The following GALNT15 variants were observed in gnomAD, a reference collection of about 807,000 sequenced individuals.
GALNT15 encodes UDP-GalNAc transferase T15.
Under a neutral mutation model 66.8 loss-of-function variants are expected in GALNT15, and 67 were observed. The observed-to-expected ratio is 1.00, with a 90% CI of 0.82 to 1.23. The LOEUF is 1.23. Among genes scored for constraint, GALNT15 ranks in the 50% most tolerant of loss-of-function variants. The pLI, the probability that GALNT15 is intolerant of heterozygous loss-of-function variation, is 0.00. For missense variants in GALNT15, 827 were observed against 804.3 expected (o/e 1.03, Z -0.34); for synonymous variants, 313 against 311.5 (o/e 1.00, Z -0.05).
intron 6 of GALNT15, among the ~76,000 whole-genome samples, chr3:16,214,069 G>A (rs1039580613): frequency 3.3e-5 from 5 of 152,210 alleles, no homozygotes; most frequent in African/African-American, 1.2e-4. Context: ...GGACCCCGTC[G>A]GTTAGTCACA....
rs745951114 is a variant in GALNT15 at position 16,175,226 on chromosome 3, C to T, written c.75C>T (p.Cys25=). 2.0e-5 allele frequency: 32 copies of T among 1,614,050 alleles called. No homozygotes were observed. The highest frequency in any genetic ancestry group is 1.1e-4 in the East Asian group (5 of 44,882). Reference sequence around the variant, plus strand: ...TCCTGCTGCTCCTGATGCTGGGATGCGTCCTGATGATGGTGGCGATGTTGC... The same window carrying T: ...TCCTGCTGCTCCTGATGCTGGGATGTGTCCTGATGATGGTGGCGATGTTGC... ...QFLLLLLMLG[C]VLMMVAMLHP... is the part of the protein sequence containing the mutation. The change falls in exon 1 of 10, where the codon TGC becomes TGT. Residue 25 remains cysteine, a synonymous_variant. Coordinates refer to ENST00000339732, the MANE Select transcript of GALNT15 (RefSeq NM_054110.5). The surrounding 1 kb of genome is among the most constrained non-coding windows in gnomAD (Gnocchi z 5.6).
chr3:16,229,477 T>C lies in GALNT15; in HGVS notation c.*1977T>C, dbSNP rs547299004. ...CACAGTTCTGTTGGACCAATCTAGA[T>C]AGATTCATTATCCCATCTAGAGAAG... On this transcript the variant is annotated 3_prime_UTR_variant, in exon 10 of 10. Transcript: ENST00000339732. The C allele has an allele frequency of 2.8e-5, 28 of 983,198 alleles. No homozygotes were observed. The highest frequency in any genetic ancestry group is 5.2e-4 in the Middle Eastern group (1 of 1,910). 60.9% of individuals were successfully genotyped at this position (983,198 alleles called of 1,614,324 possible). A position where few individuals can be genotyped will look rare whatever the true frequency, so the allele number is the denominator to read the frequency against.
At position 16,180,577 on chromosome 3, in the gene GALNT15, G is replaced by A. The variant is rs2063459596; in HGVS notation, c.539+4887G>A. ...CAATGCTCCAGAGTTCTGAGTTGGA[G>A]CCCAGTAATCAGAATTTTTTTAAGC... On this transcript the variant is annotated intron_variant, in intron 1 of 9. Coordinates refer to ENST00000339732, the MANE Select transcript of GALNT15 (RefSeq NM_054110.5). The surrounding 1 kb of genome is among the most constrained non-coding windows in gnomAD (Gnocchi z 5.0). Among the ~76,000 whole-genome samples, 1 of 152,166 alleles carries A rather than the reference G, an allele frequency of 6.6e-6. No individual in the cohort carries two copies. The highest frequency in any genetic ancestry group is 1.5e-5 in the Non-Finnish European group (1 of 68,042).
chr3:16,232,496 AT>A (rs2064094068), downstream of GALNT15, among the ~76,000 whole-genome samples: 1 of 86,752 alleles, frequency 1.2e-5, no homozygotes, highest in African/African-American at 5.2e-5. Context: ...ATATATATAT[AT>A]ATATATATAT....
intron 2 of GALNT15, among the ~76,000 whole-genome samples, chr3:16,196,425 T>G (rs2063638546): frequency 1.3e-5 from 2 of 152,076 alleles, no homozygotes; most frequent in South Asian, 4.2e-4. Context: ...GACAGCAGAC[T>G]GGAGCGGAGT....
In GALNT15 at chr3:16,184,640, A is replaced by G. The variant is rs1318857207; in HGVS notation, c.539+8950A>G. Among the ~76,000 whole-genome samples the G allele has an allele frequency of 6.6e-6, 1 of 152,210 alleles. No homozygotes were observed. Among genetic ancestry groups the G allele is most frequent in the African/African-American group, 2.4e-5 (1 of 41,464 alleles). On this transcript the variant is annotated intron_variant, in intron 1 of 9. Transcript: ENST00000339732. The surrounding 1 kb of genome is among the most constrained non-coding windows in gnomAD (Gnocchi z 5.0). ...CATAAACTCCATGCTATTAGGGGCT[A>G]TCTTAGTTTAGGTTTCCCCTAAAGA... is the stretch of plus-strand genomic sequence containing the variant.
Position 16,189,334 on chromosome 3 carries a change from G to C in GALNT15, c.540-6426G>C, listed in dbSNP as rs1022922837. 1.3e-5 allele frequency among the ~76,000 whole-genome samples: 2 copies of C among 152,232 alleles called. No homozygotes were observed. The highest frequency in any genetic ancestry group is 6.5e-5 in the Admixed American group (1 of 15,294). On this transcript the variant is annotated intron_variant, in intron 1 of 9. Coordinates refer to ENST00000339732, the MANE Select transcript of GALNT15 (RefSeq NM_054110.5). This position sits in a 1 kb window ranked among gnomAD's most constrained non-coding sequence, Gnocchi z 5.1. ...GACACCAGTGCATGGTGATCTCTGA[G>C]CATGGCACCCACTGGTGTTGGGCAA...
chr3:16,211,095 G>A lies in GALNT15; in HGVS notation c.1080-29G>A, dbSNP rs1275379052. On this transcript the variant is annotated intron_variant, in intron 4 of 9. Coordinates refer to ENST00000339732, the MANE Select transcript of GALNT15 (RefSeq NM_054110.5). The surrounding 1 kb of genome is among the most constrained non-coding windows in gnomAD (Gnocchi z 4.3). The stretch of plus-strand genomic sequence containing the variant: ...CCTGCTGTGCTCTGGGTTCTGAACT[G>A]CAGTGTCCTGCCTGTCTTCTGTGTC... 1.3e-6 allele frequency: 2 copies of A among 1,531,836 alleles called. No homozygotes were observed. Among genetic ancestry groups the A allele is most frequent in the East Asian group, 2.2e-5 (1 of 44,446 alleles). 94.9% of individuals were successfully genotyped at this position (1,531,836 alleles called of 1,614,324 possible). A position where few individuals can be genotyped will look rare whatever the true frequency, so the allele number is the denominator to read the frequency against.
In GALNT15 at chr3:16,222,726, G is replaced by T. The variant is rs34908493; in HGVS notation, c.1741G>T (p.Ala581Ser). 2.8e-3 allele frequency: 4,494 copies of T among 1,614,174 alleles called. 97 individuals are homozygous for T. The African/African-American group carries it at 0.052, about 19-fold the overall frequency. Reference sequence around the variant, plus strand: ...TCAGAACTGCACGGAGGAAGGCCTGGCCATCCACCAGCAGCACTGGGACTT... The same window carrying T: ...TCAGAACTGCACGGAGGAAGGCCTGTCCATCCACCAGCAGCACTGGGACTT... ...ILQNCTEEGL[A>S]IHQQHWDFQE... Residue 581 changes from alanine (A) to serine (S), a missense_variant, in exon 9 of 10, where the codon GCC (alanine) becomes TCC (serine). Ala to Ser is a moderately conservative substitution (Grantham distance 99). Transcript: ENST00000339732.
At chr3:16,217,157 T>C (rs2063888184) in intron 6 of GALNT15, among the ~76,000 whole-genome samples, 1 of 152,200 alleles carries the variant, frequency 6.6e-6, no homozygotes, top group Non-Finnish European at 1.5e-5. Context: ...CTGTTGTGAG[T>C]ATACTATAAA....
chr3:16,200,677 CAGG>C lies in GALNT15; in HGVS notation c.768_770del (p.Arg256del). On this transcript the variant is annotated inframe_deletion, in exon 3 of 10. Transcript: ENST00000339732. This position sits in a 1 kb window ranked among gnomAD's most constrained non-coding sequence, Gnocchi z 4.4. ...CCAGGCTGGAGGGGGTGAAGTTACT[CAGG>C]AGCAACAAGAGGCTGGGTGCCATCA... 6.2e-7 allele frequency: 1 copy of C among 1,606,984 alleles called. No homozygotes were observed.
rs2063544556 is a variant in GALNT15 at position 16,188,787 on chromosome 3, G to A, written c.540-6973G>A. ...GCCTGAAGCTCTGTAAGGTTGGGTGGGAGCGGGGGAGGAAGAGTGGATAGA... is the reference window on the plus strand; with the variant it reads ...GCCTGAAGCTCTGTAAGGTTGGGTGAGAGCGGGGGAGGAAGAGTGGATAGA... On this transcript the variant is annotated intron_variant, in intron 1 of 9. Transcript: ENST00000339732. The surrounding 1 kb of genome is among the most constrained non-coding windows in gnomAD (Gnocchi z 4.6). Among the ~76,000 whole-genome samples, 5 of 152,116 alleles carry A rather than the reference G, an allele frequency of 3.3e-5. 1 individual carries two copies. In the South Asian group the frequency reaches 1.0e-3, roughly 32 times the overall value.
chr3:16,227,437 G>T lies in GALNT15; in HGVS notation c.1857G>T (p.Pro619=). The part of the protein sequence containing the change: ...QENNKDLYLR[P]CDGKARQQWR... The stretch of plus-strand genomic sequence containing the variant: ...ACAATAAAGATTTGTACCTGCGTCC[G>T]TGTGATGGAAAAGCCCGCCAGCAGT... Residue 619 remains proline (P), a synonymous_variant, in exon 10 of 10, where the codon CCG becomes CCT. Transcript: ENST00000339732. This position sits in a 1 kb window ranked among gnomAD's most constrained non-coding sequence, Gnocchi z 4.5. The T allele has an allele frequency of 6.2e-7, 1 of 1,614,110 alleles. No homozygotes were observed.
At chr3:16,194,408 A>C (rs1475956277) in intron 1 of GALNT15, among the ~76,000 whole-genome samples, 1 of 152,154 alleles carries the variant, frequency 6.6e-6, no homozygotes. Context: ...GTAAATTTGC[A>C]TAAGTTCCTT....
chr3:16,205,336 T>G (rs1263555579), intron 3 of GALNT15, among the ~76,000 whole-genome samples: 2 of 152,218 alleles, frequency 1.3e-5, no homozygotes, highest in Non-Finnish European at 2.9e-5. Flanking sequence ...TTCTTTATTG[T>G]GGTAAAAGGT....
At position 16,225,508 on chromosome 3, in the gene GALNT15, A is replaced by C. The variant is rs1468878116; in HGVS notation, c.1774-1846A>C. ...TCAGGAGGCTGAGACCAGCCTGGCC[A>C]ATATGGTGAAACCCCGTTTCTACTA... On this transcript the variant is annotated intron_variant, in intron 9 of 9. Coordinates refer to ENST00000339732, the MANE Select transcript of GALNT15 (RefSeq NM_054110.5). The surrounding 1 kb of genome is among the most constrained non-coding windows in gnomAD (Gnocchi z 4.4). Among the ~76,000 whole-genome samples the C allele has an allele frequency of 2.3e-4, 35 of 152,176 alleles. No individual in the cohort carries two copies. The highest frequency in any genetic ancestry group is 8.8e-5 in the Non-Finnish European group (6 of 68,030).
chr3:16,202,520 C>G (rs1049606836), intron 3 of GALNT15, among the ~76,000 whole-genome samples: 9 of 152,242 alleles, frequency 5.9e-5, no homozygotes, highest in Non-Finnish European at 1.3e-4. Flanking sequence ...GTAATCCCAG[C>G]TACTCGGGAG....
Position 16,175,323 on chromosome 3 carries a change from C to A in GALNT15, c.172C>A (p.Arg58Ser). Residue 58 changes from arginine to serine, a missense_variant, in exon 1 of 10, where the codon CGC becomes AGC. Physicochemically the swap from Arg to Ser is moderately radical, Grantham distance 110. Coordinates refer to ENST00000339732, the MANE Select transcript of GALNT15 (RefSeq NM_054110.5). The surrounding 1 kb of genome is among the most constrained non-coding windows in gnomAD (Gnocchi z 5.6). ...ASKHSPEARY[R>S]LDFGESQDWV... is the part of the protein sequence containing the mutation. ...CAAGCACAGCCCTGAAGCCAGGTAC[C>A]GCCTGGACTTTGGGGAATCCCAGGA... The A allele has an allele frequency of 1.2e-6, 2 of 1,614,162 alleles. No homozygotes were observed. The highest frequency in any genetic ancestry group is 1.7e-6 in the Non-Finnish European group (2 of 1,180,038).
intron 6 of GALNT15, among the ~76,000 whole-genome samples, chr3:16,217,506 A>G (rs913054007): frequency 2.6e-5 from 4 of 152,254 alleles, no homozygotes; most frequent in Admixed American, 1.3e-4. Flanking sequence ...TTAAATTTAA[A>G]TAACCAAAAG....
Sources: gnomAD v4.1 joint callset for allele counts (sites outside exome capture counted in the v4.1 genomes callset) on GRCh38, gnomAD v4.1.1 for gene constraint, Gnocchi (gnomAD v3.1) non-coding constraint, MANE v1.5 for transcripts, NCBI Gene and HGNC (gene_info 2026-07-23, HGNC 2026-07-21) for gene names.